Variants in CHRM3 observed in about 807,000 individuals in gnomAD.
CHRM3 encodes muscarinic acetylcholine receptor M3.
A neutral mutation model predicts 41.8 loss-of-function variants in CHRM3; 11 were observed. That is an observed-to-expected ratio of 0.26 (90% CI 0.17 to 0.44). The LOEUF is 0.44. Among genes scored for constraint, CHRM3 ranks in the 20% least tolerant of loss-of-function variants. The pLI, the probability that CHRM3 is intolerant of heterozygous loss-of-function variation, is 1.00. For missense variants in CHRM3, 571 were observed against 745.4 expected, an observed-to-expected ratio of 0.77 and a Z score of 2.72; for synonymous variants, 297 against 301.4, an observed-to-expected ratio of 0.99 and a Z score of 0.15.
At chr1:239,563,359 C>T (rs1661059813) in intron 3 of CHRM3, among the ~76,000 whole-genome samples, 2 of 152,058 alleles carry the variant, frequency 1.3e-5, no homozygotes, top group Admixed American at 1.3e-4. Flanking sequence ...TTGCTTAAAG[C>T]ATCTCAGATA....
intron 5 of CHRM3, among the ~76,000 whole-genome samples, chr1:239,699,696 A>G (rs1033718844): frequency 6.6e-6 from 1 of 152,210 alleles, no homozygotes; most frequent in Non-Finnish European, 1.5e-5. Flanking sequence ...ATTTTTGTGT[A>G]TTCCACATTA....
chr1:239,671,752 C>T (rs1194486483), intron 4 of CHRM3, among the ~76,000 whole-genome samples: 1 of 151,674 alleles, frequency 6.6e-6, no homozygotes, highest in Non-Finnish European at 1.5e-5. Flanking sequence ...ATTGGAAATC[C>T]AGAGTAGTTT....
intron 6 of CHRM3, among the ~76,000 whole-genome samples, chr1:239,834,457 C>T (rs568209115): frequency 6.6e-6 from 1 of 151,972 alleles, no homozygotes; most frequent in East Asian, 1.9e-4. Context: ...AGGGGACTTA[C>T]TTATTCTCTC....
chr1:239,901,476 G>T (rs1340114282), intron 6 of CHRM3, among the ~76,000 whole-genome samples: 1 of 151,620 alleles, frequency 6.6e-6, no homozygotes, highest in African/African-American at 2.4e-5. Flanking sequence ...ATCCTTCTAT[G>T]ACAATTTTAA....
At chr1:239,872,530 A>G (rs1247913060) in intron 6 of CHRM3, among the ~76,000 whole-genome samples, 3 of 152,194 alleles carry the variant, frequency 2.0e-5, no homozygotes, top group Admixed American at 2.0e-4. Context: ...GCAACTGAGC[A>G]AAATTATCTA....
At chr1:239,468,315 A>G (rs1351454030) in intron 1 of CHRM3, among the ~76,000 whole-genome samples, 1 of 152,240 alleles carries the variant, frequency 6.6e-6, no homozygotes, top group Non-Finnish European at 1.5e-5. Flanking sequence ...TTGAAAAAAT[A>G]AAGAGATGTC....
chr1:239,498,915 T>G (rs1412336968), intron 2 of CHRM3, among the ~76,000 whole-genome samples: 1 of 152,192 alleles, frequency 6.6e-6, no homozygotes, highest in African/African-American at 2.4e-5. Flanking sequence ...CTGTTTTATT[T>G]AGCATGCTTC....
intron 4 of CHRM3, among the ~76,000 whole-genome samples, chr1:239,645,137 C>A (rs2148942308): frequency 6.6e-6 from 1 of 152,306 alleles, no homozygotes; most frequent in East Asian, 1.9e-4. Flanking sequence ...CATGGAAGAG[C>A]AGCAGGAGCC....
At chr1:239,690,234 T>C (rs1659581390) in intron 5 of CHRM3, among the ~76,000 whole-genome samples, 1 of 152,076 alleles carries the variant, frequency 6.6e-6, no homozygotes, top group South Asian at 2.1e-4. Flanking sequence ...TCATTTATTT[T>C]ATTTTATTTT....
At chr1:239,435,853 C>A (rs1206602244) in intron 1 of CHRM3, among the ~76,000 whole-genome samples, 1 of 151,996 alleles carries the variant, frequency 6.6e-6, no homozygotes, top group Non-Finnish European at 1.5e-5. Context: ...ATCTATAAGG[C>A]AATGTTAGGA....
rs188624345 is a variant in CHRM3 at position 239,575,238 on chromosome 1, C to A, written c.-313+29489C>A. ...AAATAAGAACCTCTACGTATTAGCA[C>A]CTTCACATAAAAAAAGGTGAAAATC... On this transcript the variant is annotated intron_variant, in intron 3 of 6. Coordinates refer to ENST00000676153, the MANE Select transcript of CHRM3 (RefSeq NM_001375978.1). Among the ~76,000 whole-genome samples the A allele has an allele frequency of 3.4e-3, 519 of 152,122 alleles. 2 individuals carry two copies. The highest frequency in any genetic ancestry group is 0.012 in the African/African-American group (498 of 41,508).
intron 3 of CHRM3, among the ~76,000 whole-genome samples, chr1:239,566,287 G>A (rs1661357472): frequency 1.3e-5 from 2 of 152,158 alleles, no homozygotes; most frequent in Non-Finnish European, 2.9e-5. Flanking sequence ...ATGTGAATCC[G>A]GAGATTATGT....
At chr1:239,634,436 A>C (rs79470081) in intron 4 of CHRM3, among the ~76,000 whole-genome samples, 1 of 151,400 alleles carries the variant, frequency 6.6e-6, no homozygotes, top group African/African-American at 2.4e-5. Flanking sequence ...AGAGAAAAAA[A>C]AGAACAGAAA....
intron 5 of CHRM3, among the ~76,000 whole-genome samples, chr1:239,702,819 G>T (rs1660809667): frequency 6.6e-6 from 1 of 152,186 alleles, no homozygotes; most frequent in Non-Finnish European, 1.5e-5. Context: ...ATATTTCTGT[G>T]CAGACCTGAA....
intron 1 of CHRM3, among the ~76,000 whole-genome samples, chr1:239,420,534 A>T (rs1322636750): frequency 6.6e-6 from 1 of 152,200 alleles, no homozygotes; most frequent in Non-Finnish European, 1.5e-5. Context: ...CAAACTTAAG[A>T]GTGTCAATAG....
At chr1:239,455,454 T>A (rs912707566) in intron 1 of CHRM3, among the ~76,000 whole-genome samples, 5 of 152,060 alleles carry the variant, frequency 3.3e-5, no homozygotes, top group Non-Finnish European at 1.5e-5. Flanking sequence ...GACAGTTCCA[T>A]GCATGTTCAC....
intron 5 of CHRM3, among the ~76,000 whole-genome samples, chr1:239,734,424 C>T (rs1226459418): frequency 6.6e-6 from 1 of 151,968 alleles, no homozygotes; most frequent in Non-Finnish European, 1.5e-5. Context: ...TGTTAAAATT[C>T]CATGGATTTA....
rs532584532 is a variant in CHRM3 at position 239,846,002 on chromosome 1, C to T, written c.-20+18624C>T. Among the ~76,000 whole-genome samples the T allele has an allele frequency of 5.3e-5, 8 of 152,144 alleles. No individual in the cohort carries two copies. In the South Asian group the frequency reaches 8.3e-4, roughly 16 times the overall value. Reference sequence around the variant, plus strand: ...GATAGGTGGGAAAATTTGTTAAGTGCGCACTAACAAAGCTTCAACTGTTGA... The same window carrying T: ...GATAGGTGGGAAAATTTGTTAAGTGTGCACTAACAAAGCTTCAACTGTTGA... On this transcript the variant is annotated intron_variant, in intron 6 of 6. Transcript: ENST00000676153.
At chr1:239,666,697 A>G (rs1236207917) in intron 4 of CHRM3, among the ~76,000 whole-genome samples, 1 of 151,800 alleles carries the variant, frequency 6.6e-6, no homozygotes, top group Admixed American at 6.6e-5. Context: ...TTTATTTTAG[A>G]TTCGGGGGTA....
Sources: gnomAD v4.1 joint callset for allele counts (sites outside exome capture counted in the v4.1 genomes callset) on GRCh38, gnomAD v4.1.1 for gene constraint, MANE v1.5 for transcripts, NCBI Gene and HGNC (gene_info 2026-07-23, HGNC 2026-07-21) for gene names.